The following FMN1 variants were observed in gnomAD, a reference collection of about 807,000 sequenced individuals.
FMN1 encodes formin-1.
FMN1 carries 110 observed loss-of-function variants against 132.4 expected under a neutral mutation model. The ratio of observed to expected loss-of-function variants is 0.83; its 90% CI spans 0.71 to 0.97. The LOEUF (loss-of-function observed/expected upper bound fraction) is 0.97. Among genes scored for constraint, FMN1 ranks in the 50% least tolerant of loss-of-function variants. The pLI, the probability that FMN1 is intolerant of heterozygous loss-of-function variation, is 0.00. For missense variants in FMN1, 1,792 were observed against 1,705.3 expected, an observed-to-expected ratio of 1.05 and a Z score of -0.90; for synonymous variants, 722 against 651.7, an observed-to-expected ratio of 1.11 and a Z score of -1.64.
rs147907916 is a variant in FMN1 at position 32,927,602 on chromosome 15, T to C, written c.3139-1341A>G. ...ATACTATGTATTTTTACAATCTTCA[T>C]AGAAACTCCACATACCTCATTGCCA... On this transcript the variant is annotated intron_variant, in intron 9 of 20. Transcript: ENST00000616417. Among the ~76,000 whole-genome samples, 27 of 152,316 alleles carry C rather than the reference T, an allele frequency of 1.8e-4. No individual in the cohort carries two copies. In the East Asian group the frequency reaches 4.4e-3, roughly 25 times the overall value.
At chr15:33,122,690 T>C (rs1962680505) in intron 4 of FMN1, among the ~76,000 whole-genome samples, 1 of 152,222 alleles carries the variant, frequency 6.6e-6, no homozygotes, top group Admixed American at 6.5e-5. Flanking sequence ...AACACTAAAT[T>C]GGCACATGCT....
chr15:33,128,699 C>G (rs1411420350), intron 4 of FMN1, among the ~76,000 whole-genome samples: 4 of 152,184 alleles, frequency 2.6e-5, no homozygotes, highest in Non-Finnish European at 4.4e-5. Flanking sequence ...CGAATAAACC[C>G]GCGGACCCTC....
intron 9 of FMN1, among the ~76,000 whole-genome samples, chr15:32,951,811 TG>T (rs2061660339): frequency 6.6e-6 from 1 of 152,234 alleles, no homozygotes; most frequent in Non-Finnish European, 1.5e-5. Flanking sequence ...GCCCCATGAA[TG>T]ATGACTCAGC....
chr15:32,783,133 G>T (rs2056723565), intron 19 of FMN1, among the ~76,000 whole-genome samples: 1 of 151,632 alleles, frequency 6.6e-6, no homozygotes, highest in Admixed American at 6.6e-5. Flanking sequence ...ACAAATCCAT[G>T]TACCTCCTGA....
At chr15:33,081,216 T>A (rs1378956062) in intron 5 of FMN1, among the ~76,000 whole-genome samples, 4 of 152,164 alleles carry the variant, frequency 2.6e-5, no homozygotes, top group Non-Finnish European at 4.4e-5. Flanking sequence ...GTACAGTCAC[T>A]CTTCTACCAT....
intron 19 of FMN1, among the ~76,000 whole-genome samples, chr15:32,791,775 A>G (rs1288359780): frequency 6.6e-6 from 1 of 152,190 alleles, no homozygotes; most frequent in East Asian, 1.9e-4. Context: ...CCTTTTGCTA[A>G]TAGGAGGAGG....
At chr15:32,785,554 A>G (rs2056849202) in intron 19 of FMN1, among the ~76,000 whole-genome samples, 1 of 152,052 alleles carries the variant, frequency 6.6e-6, no homozygotes, top group African/African-American at 2.4e-5. Flanking sequence ...TATGTTAGAA[A>G]TTCTCCTAAA....
chr15:33,012,229 T>C (rs1046637800), intron 6 of FMN1: 5 of 673,208 alleles, frequency 7.4e-6, no homozygotes, highest in South Asian at 1.5e-5. Context: ...TTTTGAGCAA[T>C]GGGGAACGCT....
chr15:33,067,569 C>T, intron 5 of FMN1: 1 of 1,613,952 alleles, frequency 6.2e-7, no homozygotes, highest in Non-Finnish European at 8.5e-7. Flanking sequence ...CTCTGACTTC[C>T]CTCTGATTCT....
intron 4 of FMN1, among the ~76,000 whole-genome samples, chr15:33,128,729 T>TA (rs1963375226): frequency 6.6e-6 from 1 of 152,218 alleles, no homozygotes; most frequent in Admixed American, 6.5e-5. Context: ...GTGACAGCTC[T>TA]TAAAGGTGAT....
At chr15:33,070,072 C>CTCCGCT (rs1489074214) in intron 5 of FMN1, among the ~76,000 whole-genome samples, 1 of 129,026 alleles carries the variant, frequency 7.8e-6, no homozygotes, top group Non-Finnish European at 1.6e-5. Context: ...ATGGTGCAAT[C>CTCCGCT]TCCGCTCACC....
At chr15:32,943,895 G>A (rs1018076147) in intron 9 of FMN1, among the ~76,000 whole-genome samples, 3 of 152,196 alleles carry the variant, frequency 2.0e-5, no homozygotes, top group African/African-American at 4.8e-5. Flanking sequence ...GAAATTCCAA[G>A]AAGTGATGCA....
At chr15:32,948,482 A>T (rs1046448083) in intron 9 of FMN1, among the ~76,000 whole-genome samples, 1 of 152,038 alleles carries the variant, frequency 6.6e-6, no homozygotes, top group African/African-American at 2.4e-5. Flanking sequence ...TAAGAAAGAC[A>T]TGCTTAGTGT....
At chr15:32,778,059 T>G (rs1430590648) in intron 19 of FMN1, among the ~76,000 whole-genome samples, 1 of 3,746 alleles carries the variant, frequency 2.7e-4, no homozygotes, top group Non-Finnish European at 4.9e-4. Context: ...TATAATACAT[T>G]TATTATATAT....
At chr15:32,851,764 C>G (rs1005011606) in intron 17 of FMN1, among the ~76,000 whole-genome samples, 6 of 152,178 alleles carry the variant, frequency 3.9e-5, no homozygotes, top group African/African-American at 1.4e-4. Flanking sequence ...TCATCTCCAT[C>G]TGAGTGTGGC....
chr15:33,184,502 C>CT (rs201097859), intron 2 of FMN1, among the ~76,000 whole-genome samples: 23,012 of 138,592 alleles, frequency 0.17, 3,897 homozygotes, highest in African/African-American at 0.44. Flanking sequence ...TTTTTTTTTT[C>CT]TTTTTTTTTT....
At chr15:33,156,996 G>T (rs1964696120) in intron 3 of FMN1, among the ~76,000 whole-genome samples, 1 of 152,128 alleles carries the variant, frequency 6.6e-6, no homozygotes, top group Non-Finnish European at 1.5e-5. Context: ...GGCTGGGTAT[G>T]GTGGCTCACG....
intron 6 of FMN1, chr15:33,064,432 T>C (rs1417985047): frequency 6.6e-6 from 1 of 152,212 alleles, no homozygotes; most frequent in East Asian, 1.9e-4. Context: ...CCTAGGCAGG[T>C]TTCCAGAGAG....
chr15:32,844,003 A>T (rs1322692137), intron 17 of FMN1, among the ~76,000 whole-genome samples: 8 of 151,920 alleles, frequency 5.3e-5, no homozygotes, highest in Admixed American at 3.3e-4. Flanking sequence ...AAATTTAAAT[A>T]AAAAAACTGG....
Sources: gnomAD v4.1 joint callset for allele counts (sites outside exome capture counted in the v4.1 genomes callset) on GRCh38, gnomAD v4.1.1 for gene constraint, MANE v1.5 for transcripts, NCBI Gene and HGNC (gene_info 2026-07-23, HGNC 2026-07-21) for gene names.